The following MYT1L variants were observed in gnomAD, a reference collection of about 807,000 sequenced individuals.
The protein encoded by MYT1L is myelin transcription factor 1 like.
In MYT1L, 12 loss-of-function variants were observed where a neutral mutation model predicts 126.7. The ratio of observed to expected loss-of-function variants is 0.09; its 90% CI spans 0.06 to 0.15. The LOEUF (loss-of-function observed/expected upper bound fraction) is 0.15. MYT1L is among the 10% of genes least tolerant of loss of function. The probability of loss-of-function intolerance (pLI) is 1.00; values close to 1 mark genes in which losing one functional copy is unlikely to be tolerated. For missense variants in MYT1L, 979 were observed against 1,585.2 expected, an observed-to-expected ratio of 0.62 and a Z score of 6.49; for synonymous variants, 541 against 604.2, an observed-to-expected ratio of 0.90 and a Z score of 1.53.
chr2:2,192,435 T>C (rs2092634569), intron 2 of MYT1L, among the ~76,000 whole-genome samples: 1 of 150,172 alleles, frequency 6.7e-6, no homozygotes. Context: ...TTTTTTTTCA[T>C]ATAGGATGAT....
intron 13 of MYT1L, among the ~76,000 whole-genome samples, chr2:1,905,496 G>T (rs1247603855): frequency 2.6e-5 from 4 of 151,840 alleles, no homozygotes; most frequent in Non-Finnish European, 5.9e-5. Flanking sequence ...TGGGATTACA[G>T]TCTCCCGCCA....
At position 1,791,310 on chromosome 2, in the gene MYT1L, C is replaced by A. The variant is rs2032040913; in HGVS notation, c.*557G>T. ...TCACATAATATTTCCAAGCATTGTT[C>A]AAAAATAAAGCATTTTTGCAACGAA... On this transcript the variant is annotated 3_prime_UTR_variant, in exon 25 of 25. Coordinates refer to ENST00000647738, the MANE Select transcript of MYT1L (RefSeq NM_001303052.2). The surrounding 1 kb of genome is among the most constrained non-coding windows in gnomAD (Gnocchi z 6.0). 2.2e-6 allele frequency: 1 copy of A among 452,450 alleles called. No homozygotes were observed. Among genetic ancestry groups the A allele is most frequent in the South Asian group, 1.7e-5 (1 of 60,134 alleles). 28.0% of individuals were successfully genotyped at this position (452,450 alleles called of 1,614,324 possible).
intron 2 of MYT1L, among the ~76,000 whole-genome samples, chr2:2,175,787 T>C (rs1430495675): frequency 6.6e-6 from 1 of 152,256 alleles, no homozygotes; most frequent in African/African-American, 2.4e-5. Flanking sequence ...GGACAGCACA[T>C]CACAGCAGCA....
At chr2:1,946,634 CATA>C (rs2057253152) in intron 8 of MYT1L, among the ~76,000 whole-genome samples, 1 of 152,108 alleles carries the variant, frequency 6.6e-6, no homozygotes, top group Admixed American at 6.5e-5. Flanking sequence ...CCCTTAAAAA[CATA>C]ATAAGCAAAA....
Position 1,791,385 on chromosome 2 carries a change from A to G in MYT1L, c.*482T>C. On this transcript the variant is annotated 3_prime_UTR_variant, in exon 25 of 25. Coordinates refer to ENST00000647738, the MANE Select transcript of MYT1L (RefSeq NM_001303052.2). The surrounding 1 kb of genome is among the most constrained non-coding windows in gnomAD (Gnocchi z 6.0). ...ACAAAATGTATTTCTTAAATTCCAT[A>G]AAGTCCTCCAACATGAGGCAAAATG... 4.9e-6 allele frequency: 2 copies of G among 410,124 alleles called. No individual in the cohort carries two copies. Among genetic ancestry groups the G allele is most frequent in the Non-Finnish European group, 9.9e-6 (2 of 202,084 alleles). 25.4% of individuals were successfully genotyped at this position (410,124 alleles called of 1,614,324 possible). A position where few individuals can be genotyped will look rare whatever the true frequency, so the allele number is the denominator to read the frequency against.
intron 19 of MYT1L, chr2:1,841,665 T>G (rs1400636200): frequency 6.6e-6 from 1 of 150,948 alleles, no homozygotes; most frequent in Non-Finnish European, 1.5e-5. Context: ...GGAGGTTTTG[T>G]TGACAGAGAG....
At chr2:2,105,759 T>A (rs911729274) in intron 3 of MYT1L, among the ~76,000 whole-genome samples, 1 of 152,222 alleles carries the variant, frequency 6.6e-6, no homozygotes, top group South Asian at 2.1e-4. Context: ...AAGCTAAATG[T>A]ACCAAGTGTT....
Position 1,923,076 on chromosome 2 carries a change from A to G in MYT1L, c.693T>C (p.Asn231=). 1 of 1,613,966 alleles carries G rather than the reference A, an allele frequency of 6.2e-7. No homozygotes were observed. The highest frequency in any genetic ancestry group is 8.5e-7 in the Non-Finnish European group (1 of 1,179,882). The change falls in exon 10 of 25, where the codon AAT becomes AAC. Residue 231 remains asparagine, a synonymous_variant. Coordinates refer to ENST00000647738, the MANE Select transcript of MYT1L (RefSeq NM_001303052.2). ...TESEMNSNTS[N]SLEDDSDKNE... Reference sequence around the variant, plus strand: ...TTTTGTCACTATCGTCTTCCAGACTATTGGAGGTATTGCTGTTCATTTCTG... The same window carrying G: ...TTTTGTCACTATCGTCTTCCAGACTGTTGGAGGTATTGCTGTTCATTTCTG...
intron 1 of MYT1L, among the ~76,000 whole-genome samples, chr2:2,310,052 T>C (rs1486003696): frequency 6.6e-6 from 1 of 151,972 alleles, no homozygotes; most frequent in East Asian, 1.9e-4. Context: ...GTACACTGTA[T>C]GTAGACTCCA....
intron 1 of MYT1L, among the ~76,000 whole-genome samples, chr2:2,287,787 C>T (rs961033108): frequency 2.6e-5 from 4 of 152,182 alleles, no homozygotes; most frequent in South Asian, 2.1e-4. Flanking sequence ...GATATCACCA[C>T]GTTTTAGGCA....
chr2:1,888,153 G>A (rs920749690), intron 16 of MYT1L, among the ~76,000 whole-genome samples: 2 of 152,180 alleles, frequency 1.3e-5, no homozygotes, highest in Admixed American at 1.3e-4. Flanking sequence ...GTTTCTACAG[G>A]TGGCAATGCT....
chr2:1,994,446 G>C (rs1170857790), intron 5 of MYT1L, among the ~76,000 whole-genome samples: 1 of 152,114 alleles, frequency 6.6e-6, no homozygotes, highest in Non-Finnish European at 1.5e-5. Flanking sequence ...TCCTCCCAGC[G>C]AGTCCTCCTG....
At chr2:1,814,028 A>C (rs767039763) in intron 21 of MYT1L, among the ~76,000 whole-genome samples, 1,898 of 133,580 alleles carry the variant, frequency 0.014, 34 homozygotes, top group African/African-American at 0.022. Context: ...CTCCGTCCCC[A>C]AAAAAAAAAA....
chr2:2,248,754 A>G (rs765676250), intron 2 of MYT1L, among the ~76,000 whole-genome samples: 1 of 152,172 alleles, frequency 6.6e-6, no homozygotes, highest in Non-Finnish European at 1.5e-5. Context: ...CAATATCCAT[A>G]GAATGAAGGA....
intron 2 of MYT1L, among the ~76,000 whole-genome samples, chr2:2,273,889 T>C (rs943631453): frequency 1.3e-5 from 2 of 152,238 alleles, no homozygotes; most frequent in African/African-American, 4.8e-5. Flanking sequence ...ATAATTCACA[T>C]TCTTCTTGGT....
intron 2 of MYT1L, among the ~76,000 whole-genome samples, chr2:2,263,719 C>T (rs530666303): frequency 4.6e-5 from 7 of 152,224 alleles, no homozygotes; most frequent in East Asian, 1.9e-4. Flanking sequence ...CTCTTGTTCA[C>T]GACTAGACCT....
chr2:2,071,532 C>T (rs1318500535), intron 3 of MYT1L, among the ~76,000 whole-genome samples: 1 of 152,136 alleles, frequency 6.6e-6, no homozygotes, highest in Non-Finnish European at 1.5e-5. Flanking sequence ...ATGGGCTCAC[C>T]TTGGAAAGAC....
chr2:1,938,548 T>G (rs976859056), intron 9 of MYT1L, among the ~76,000 whole-genome samples: 1 of 152,136 alleles, frequency 6.6e-6, no homozygotes, highest in African/African-American at 2.4e-5. Flanking sequence ...CTGAAATGAG[T>G]TTCTCAGGTA....
intron 18 of MYT1L, among the ~76,000 whole-genome samples, chr2:1,853,809 CTT>C (rs1225456050): frequency 6.6e-6 from 1 of 152,132 alleles, no homozygotes; most frequent in Non-Finnish European, 1.5e-5. Context: ...GAAGTTGACT[CTT>C]CTGCTCAAAT....
Sources: allele counts gnomAD v4.1 joint callset (sites outside exome capture counted in the v4.1 genomes callset), GRCh38; gene constraint gnomAD v4.1.1; non-coding constraint Gnocchi (gnomAD v3.1); transcripts MANE v1.5; gene names NCBI Gene and HGNC (gene_info 2026-07-23, HGNC 2026-07-21).